The following RRM2 variants were observed in gnomAD, a reference collection of about 807,000 sequenced individuals.
RRM2 encodes ribonucleoside-diphosphate reductase subunit M2.
In RRM2, 6 loss-of-function variants were observed where a neutral mutation model predicts 45.9. The ratio of observed to expected loss-of-function variants is 0.13; its 90% confidence interval spans 0.07 to 0.26. RRM2 has a LOEUF of 0.26. Among genes scored for constraint, RRM2 ranks in the 10% least tolerant of loss-of-function variants. The pLI, the probability that RRM2 is intolerant of heterozygous loss-of-function variation, is 1.00. For missense variants in RRM2, 343 were observed against 489.5 expected (o/e 0.70, Z 2.82); for synonymous variants, 177 against 173.0 (o/e 1.02, Z -0.18).
intron 5 of RRM2, among the ~76,000 whole-genome samples, chr2:10,125,881 G>A (rs1662767637): frequency 6.6e-6 from 1 of 152,138 alleles, no homozygotes; most frequent in Non-Finnish European, 1.5e-5. Context: ...AGAAGGCAAA[G>A]ATTAGGGGTA....
At position 10,191,066 on chromosome 2, in the gene RRM2, C is replaced by A. The variant is rs1572527717; in HGVS notation, n.483-19245C>A. 2.0e-5 allele frequency among the ~76,000 whole-genome samples: 3 copies of A among 152,320 alleles called. No individual in the cohort carries two copies. In the East Asian group the frequency reaches 5.8e-4, roughly 29 times the overall value. On this transcript the variant is annotated intron_variant and non_coding_transcript_variant, in intron 3 of 3. Transcript: ENST00000381786. ...GCTTCTCTGGAGCACAAAGGCATGG[C>A]GAGATGAGCAGTTTGCCCCACAGGA...
downstream of RRM2, among the ~76,000 whole-genome samples, chr2:10,134,671 G>A (rs1459497744): frequency 2.0e-5 from 3 of 152,178 alleles, no homozygotes; most frequent in Non-Finnish European, 2.9e-5. Flanking sequence ...ATAGATTTTC[G>A]GAATCAGGTA....
intron 3 of RRM2, among the ~76,000 whole-genome samples, chr2:10,175,205 AGG>A (rs1663891095): frequency 1.3e-5 from 2 of 152,260 alleles, no homozygotes; most frequent in African/African-American, 4.8e-5. Flanking sequence ...CAGTGCCCAG[AGG>A]GCACCGCAGG....
At chr2:10,154,493 C>G (rs1663383018) in intron 3 of RRM2, among the ~76,000 whole-genome samples, 2 of 107,024 alleles carry the variant, frequency 1.9e-5, no homozygotes, top group Admixed American at 1.8e-4. Context: ...GAGCGAGACT[C>G]CATCTCAAAA....
chr2:10,147,284 T>C (rs1486295509), intron 3 of RRM2, among the ~76,000 whole-genome samples: 1 of 151,622 alleles, frequency 6.6e-6, no homozygotes, highest in African/African-American at 2.4e-5. Flanking sequence ...GGTTTTTTTT[T>C]GTTTTGTTTT....
At chr2:10,200,604 G>T (rs1217759448) in intron 3 of RRM2, among the ~76,000 whole-genome samples, 5 of 57,286 alleles carry the variant, frequency 8.7e-5, no homozygotes, top group South Asian at 1.3e-3. Flanking sequence ...AAAATATGAG[G>T]CCCACAGGGA....
chr2:10,179,779 C>T (rs1181719497), intron 3 of RRM2, among the ~76,000 whole-genome samples: 1 of 152,142 alleles, frequency 6.6e-6, no homozygotes, highest in Non-Finnish European at 1.5e-5. Context: ...CTGAGTTGAA[C>T]CATCATAAGC....
At chr2:10,122,719 G>T, upstream of RRM2, 1 of 1,551,386 alleles carries the variant, frequency 6.4e-7, no homozygotes, top group Non-Finnish European at 8.7e-7. Flanking sequence ...TTTAAAGGCT[G>T]CTGGAGTGAG....
At chr2:10,167,368 G>C (rs549860992) in intron 3 of RRM2, among the ~76,000 whole-genome samples, 148 of 152,318 alleles carry the variant, frequency 9.7e-4, no homozygotes, top group African/African-American at 3.4e-3. Flanking sequence ...TCTCTTGAAT[G>C]CCCTGCTGCT....
chr2:10,176,709 T>G (rs1490600574), intron 3 of RRM2, among the ~76,000 whole-genome samples: 2 of 152,254 alleles, frequency 1.3e-5, no homozygotes, highest in African/African-American at 2.4e-5. Flanking sequence ...AATTGCTGTG[T>G]TAAGGATTCC....
chr2:10,210,685 G>A, exon 4 of RRM2: 3 of 1,241,830 alleles, frequency 2.4e-6, no homozygotes, highest in South Asian at 1.3e-5. Flanking sequence ...AGGCCAGGGA[G>A]GGTGGGAAAC....
chr2:10,126,162 TAAAAAAAA>T (rs532815964), intron 5 of RRM2, among the ~76,000 whole-genome samples: 21,701 of 89,090 alleles, frequency 0.24, 3,298 homozygotes, highest in Middle Eastern at 0.32. Context: ...CTCATCTCTT[TAAAAAAAA>T]AAAAAAAAAA....
At chr2:10,144,419 A>G (rs867024130) in intron 3 of RRM2, among the ~76,000 whole-genome samples, 1 of 152,226 alleles carries the variant, frequency 6.6e-6, no homozygotes, top group Non-Finnish European at 1.5e-5. Flanking sequence ...TTGGCAGAGT[A>G]CCATTCGGCA....
chr2:10,131,606 GCA>G (rs1302229956), downstream of RRM2, among the ~76,000 whole-genome samples: 1 of 152,284 alleles, frequency 6.6e-6, no homozygotes, highest in East Asian at 1.9e-4. Context: ...TGGCATGGTG[GCA>G]CACGCCTGTA....
rs147338509 is a variant in RRM2, at chr2:10,169,288, G to T, written n.482+26913G>T. 6.6e-6 allele frequency among the ~76,000 whole-genome samples: 1 copy of T among 151,788 alleles called. No homozygotes were observed. Among genetic ancestry groups the T allele is most frequent in the Non-Finnish European group, 1.5e-5 (1 of 67,974 alleles). ...CCACTGTGCCCAGCTGCTTCTCTTT[G>T]TAAGTTCCCAAGTTGAAGCACCCCC... On this transcript the variant is annotated intron_variant and non_coding_transcript_variant, in intron 3 of 3. Coordinates refer to the RRM2 transcript ENST00000381786. This position sits in a 1 kb window ranked among gnomAD's most constrained non-coding sequence, Gnocchi z 5.1.
intron 3 of RRM2, among the ~76,000 whole-genome samples, chr2:10,193,824 G>C (rs919918330): frequency 1.3e-5 from 2 of 152,212 alleles, no homozygotes; most frequent in Admixed American, 6.5e-5. Context: ...GGGCCTCTGA[G>C]AGCAAGCATG....
intron 3 of RRM2, among the ~76,000 whole-genome samples, chr2:10,158,218 G>A (rs561857379): frequency 2.6e-5 from 4 of 152,298 alleles, no homozygotes; most frequent in Non-Finnish European, 5.9e-5. Context: ...TCCCATGTAC[G>A]AAATGGGTGT....
intron 3 of RRM2, among the ~76,000 whole-genome samples, chr2:10,173,480 G>A (rs1465321324): frequency 1.3e-5 from 2 of 152,062 alleles, no homozygotes; most frequent in South Asian, 2.1e-4. Context: ...CAGCACCCCC[G>A]CAAACCTCCG....
At chr2:10,142,679 C>T (rs1663109863) in intron 3 of RRM2, among the ~76,000 whole-genome samples, 1 of 152,062 alleles carries the variant, frequency 6.6e-6, no homozygotes, top group African/African-American at 2.4e-5. Flanking sequence ...AGATCCCCCA[C>T]CCCACCTTCA....
Sources: allele counts gnomAD v4.1 joint callset (sites outside exome capture counted in the v4.1 genomes callset), GRCh38; gene constraint gnomAD v4.1.1; non-coding constraint Gnocchi (gnomAD v3.1); transcripts MANE v1.5; gene names NCBI Gene and HGNC (gene_info 2026-07-23, HGNC 2026-07-21).